Variants in USP34 observed in about 807,000 individuals in gnomAD.
USP34 encodes ubiquitin carboxyl-terminal hydrolase 34.
USP34 carries 70 observed loss-of-function variants against 460.3 expected under a neutral mutation model. The observed-to-expected ratio is 0.15, with a 90% CI of 0.13 to 0.19. The LOEUF is 0.19. Ranked by LOEUF, USP34 falls within the 10% of genes least tolerant of loss-of-function variation. USP34 has a pLI of 1.00. For synonymous variants in USP34, 1,647 were observed against 1,405.3 expected (o/e 1.17, Z -3.85); for missense variants, 3,985 against 4,236.2 (o/e 0.94, Z 1.65).
At chr2:61,248,270 C>G (rs762774553) in intron 49 of USP34, among the ~76,000 whole-genome samples, 2 of 151,158 alleles carry the variant, frequency 1.3e-5, no homozygotes, top group Non-Finnish European at 2.9e-5. Flanking sequence ...AGAGCAACAA[C>G]CGTGCTTATC....
chr2:61,463,450 T>C (rs1425568309), intron 1 of USP34, among the ~76,000 whole-genome samples: 1 of 152,214 alleles, frequency 6.6e-6, no homozygotes, highest in East Asian at 1.9e-4. Flanking sequence ...TTTTTGAAGA[T>C]ACATAAAACA....
intron 48 of USP34, among the ~76,000 whole-genome samples, chr2:61,250,980 T>C (rs2103881390): frequency 6.6e-6 from 1 of 152,082 alleles, no homozygotes; most frequent in South Asian, 2.1e-4. Context: ...CTACTAAAAA[T>C]ACAAAAAATT....
Position 61,295,258 on chromosome 2 carries a change from G to T in USP34, c.4287C>A (p.Leu1429=). Residue 1429 remains leucine (L), a synonymous_variant, in exon 31 of 80, where the codon CTC becomes CTA. Transcript: ENST00000398571. The part of the protein sequence containing the change: ...SNDGFNWKEL[L]KIKSAHKLLY... The stretch of plus-strand genomic sequence containing the variant: ...ATAGCTTGTGGGCGCTCTTAATTTT[G>T]AGAAGTTCTTTCCAATTAAATCCAT... 6.2e-7 allele frequency: 1 copy of T among 1,606,980 alleles called. No homozygotes were observed. Among genetic ancestry groups the T allele is most frequent in the Non-Finnish European group, 8.5e-7 (1 of 1,177,338 alleles).
At chr2:61,192,018 T>C (rs1338883358) in intron 76 of USP34, among the ~76,000 whole-genome samples, 1 of 152,188 alleles carries the variant, frequency 6.6e-6, no homozygotes, top group African/African-American at 2.4e-5. Context: ...TCTCTACACT[T>C]GAGTTCTGTT....
chr2:61,217,204 T>C (rs1007592892), intron 67 of USP34, among the ~76,000 whole-genome samples: 1 of 152,224 alleles, frequency 6.6e-6, no homozygotes, highest in Non-Finnish European at 1.5e-5. Flanking sequence ...GGAAGGTTAA[T>C]TTGGAAGAAC....
intron 75 of USP34, chr2:61,193,236 T>C (rs1054481464): frequency 7.4e-6 from 2 of 269,616 alleles, no homozygotes; most frequent in African/African-American, 4.4e-5. Context: ...TTTTGAGTAT[T>C]AGAACTTTAT....
intron 1 of USP34, among the ~76,000 whole-genome samples, chr2:61,422,561 G>A (rs1208567000): frequency 5.9e-5 from 9 of 152,144 alleles, no homozygotes; most frequent in Non-Finnish European, 7.3e-5. Context: ...TCTAAGATTA[G>A]GACCAAGATA....
intron 20 of USP34, among the ~76,000 whole-genome samples, chr2:61,326,385 G>A (rs1239296815): frequency 6.6e-6 from 1 of 152,056 alleles, no homozygotes; most frequent in Non-Finnish European, 1.5e-5. Flanking sequence ...ACCACACCCG[G>A]CTAATTTTTG....
chr2:61,300,941 A>G lies in USP34; in HGVS notation c.4128+10T>C. ...ACAAAACAAGATTTGTGAAAATGAA[A>G]CATAGTCACCTCACTATCATCCACT... On this transcript the variant is annotated intron_variant, in intron 29 of 79. Transcript: ENST00000398571. The G allele has an allele frequency of 6.3e-7, 1 of 1,580,596 alleles. No individual in the cohort carries two copies. The highest frequency in any genetic ancestry group is 8.6e-7 in the Non-Finnish European group (1 of 1,161,712).
chr2:61,201,211 G>GT (rs59199472), intron 75 of USP34, among the ~76,000 whole-genome samples: 1,919 of 101,322 alleles, frequency 0.019, 20 homozygotes, highest in Non-Finnish European at 0.021. Context: ...CTCATAGAAA[G>GT]TTTTTTTTTT....
chr2:61,194,709 A>G (rs962018275), intron 75 of USP34, among the ~76,000 whole-genome samples: 12 of 152,340 alleles, frequency 7.9e-5, no homozygotes, highest in Non-Finnish European at 1.5e-4. Context: ...TAATCCCAAC[A>G]CTTTGGGAGG....
At position 61,350,396 on chromosome 2, in the gene USP34, A is replaced by C; in HGVS notation, c.1378-7T>G. 6.2e-7 allele frequency: 1 copy of C among 1,600,756 alleles called. No individual in the cohort carries two copies. Among genetic ancestry groups the C allele is most frequent in the East Asian group, 2.2e-5 (1 of 44,720 alleles). On this transcript the variant is annotated splice_polypyrimidine_tract_variant and splice_region_variant and intron_variant, in intron 11 of 79. Transcript: ENST00000398571. ...TGGATGCCAAGTACAGTGTCTAAAA[A>C]AAAGAGGGAGAGATTTCAGTTTGAG...
chr2:61,452,002 G>A (rs949918835), intron 1 of USP34, among the ~76,000 whole-genome samples: 3 of 151,542 alleles, frequency 2.0e-5, no homozygotes, highest in Non-Finnish European at 2.9e-5. Flanking sequence ...GGTGAAACCC[G>A]TCTCTACTAA....
At chr2:61,435,581 T>C (rs1455742386) in intron 1 of USP34, among the ~76,000 whole-genome samples, 2 of 152,100 alleles carry the variant, frequency 1.3e-5, no homozygotes, top group Admixed American at 6.5e-5. Context: ...GATTGCCTTA[T>C]AAGAAATGCT....
intron 1 of USP34, among the ~76,000 whole-genome samples, chr2:61,441,017 A>G (rs532513221): frequency 6.6e-6 from 1 of 151,282 alleles, no homozygotes; most frequent in South Asian, 2.1e-4. Context: ...AGTCCCAGCT[A>G]CTCGGGAGGC....
chr2:61,448,887 G>A (rs890147873), intron 1 of USP34, among the ~76,000 whole-genome samples: 2 of 152,220 alleles, frequency 1.3e-5, no homozygotes. Context: ...GGATACAGTG[G>A]CTCATGCCTG....
Position 61,405,647 on chromosome 2 carries a change from A to T in USP34, c.552+61T>A, listed in dbSNP as rs1416740183. On this transcript the variant is annotated intron_variant, in intron 3 of 79. Coordinates refer to ENST00000398571, the MANE Select transcript of USP34 (RefSeq NM_014709.4). ...AACTGTCTTCATATTTATCAGTAAG[A>T]AACAGACTGCGAAGTTAAGACTTGG... is the stretch of plus-strand genomic sequence containing the variant. 4 of 1,410,810 alleles carry T rather than the reference A, an allele frequency of 2.8e-6. No homozygotes were observed. The Admixed American group carries it at 7.6e-5, about 27-fold the overall frequency. The allele number at this position is 1,410,810 out of a possible 1,614,324, so 87.4% of individuals were successfully genotyped here.
At chr2:61,248,216 A>G (rs1415074604) in intron 49 of USP34, among the ~76,000 whole-genome samples, 8 of 151,616 alleles carry the variant, frequency 5.3e-5, no homozygotes, top group Admixed American at 3.3e-4. Flanking sequence ...ACCCCCACAA[A>G]AAACAACATA....
At chr2:61,216,787 G>C (rs1201987689) in intron 67 of USP34, among the ~76,000 whole-genome samples, 1 of 151,042 alleles carries the variant, frequency 6.6e-6, no homozygotes, top group Non-Finnish European at 1.5e-5. Context: ...GTGTGGTGGC[G>C]GGTGCCTGTA....
Sources: gnomAD v4.1 joint callset for allele counts (sites outside exome capture counted in the v4.1 genomes callset) on GRCh38, gnomAD v4.1.1 for gene constraint, MANE v1.5 for transcripts, NCBI Gene and HGNC (gene_info 2026-07-23, HGNC 2026-07-21) for gene names.